The following PKHD1 variants were observed in gnomAD, a reference collection of about 807,000 sequenced individuals.
PKHD1 encodes the protein PKHD1 ciliary IPT domain containing fibrocystin/polyductin, also known as fibrocystin.
PKHD1 carries 291 observed loss-of-function variants against 412.0 expected under a neutral mutation model. The ratio of observed to expected loss-of-function variants is 0.71; its 90% CI spans 0.64 to 0.78. The LOEUF (loss-of-function observed/expected upper bound fraction) is 0.78. Among genes scored for constraint, PKHD1 ranks in the 30% least tolerant of loss-of-function variants. The pLI is 0.00. For missense variants in PKHD1, 4,825 were observed against 4,950.7 expected (o/e 0.97, Z 0.76); for synonymous variants, 1,777 against 1,821.5 (o/e 0.98, Z 0.62).
intron 35 of PKHD1, among the ~76,000 whole-genome samples, chr6:51,962,018 T>A (rs1177118893): frequency 6.6e-6 from 1 of 152,074 alleles, no homozygotes; most frequent in Non-Finnish European, 1.5e-5. Flanking sequence ...AATTTAAGGA[T>A]CAATTCAGAG....
chr6:51,644,852 G>A (rs1184923825), intron 63 of PKHD1, among the ~76,000 whole-genome samples: 11 of 152,046 alleles, frequency 7.2e-5, no homozygotes, highest in African/African-American at 2.2e-4. Flanking sequence ...CCTAATTTTC[G>A]TATTATTAGT....
At chr6:51,890,530 G>A (rs1389796455) in intron 43 of PKHD1, among the ~76,000 whole-genome samples, 3 of 151,178 alleles carry the variant, frequency 2.0e-5, no homozygotes, top group Non-Finnish European at 4.4e-5. Flanking sequence ...CTAGAGGTGT[G>A]CATCTATAGT....
At chr6:51,636,255 C>T (rs975245599) in intron 64 of PKHD1, among the ~76,000 whole-genome samples, 1 of 152,082 alleles carries the variant, frequency 6.6e-6, no homozygotes, top group African/African-American at 2.4e-5. Flanking sequence ...TGCAAATTCT[C>T]TGCTTGATTC....
intron 43 of PKHD1, among the ~76,000 whole-genome samples, chr6:51,899,494 T>C (rs1391364717): frequency 6.6e-6 from 1 of 151,742 alleles, no homozygotes; most frequent in Non-Finnish European, 1.5e-5. Context: ...TCTCAATAAA[T>C]TAGGTATTGA....
At chr6:52,047,056 A>G (rs1306050031) in intron 23 of PKHD1, among the ~76,000 whole-genome samples, 1 of 152,220 alleles carries the variant, frequency 6.6e-6, no homozygotes, top group African/African-American at 2.4e-5. Flanking sequence ...ATGTTTCTAC[A>G]TTTATACAGA....
intron 66 of PKHD1, among the ~76,000 whole-genome samples, chr6:51,625,781 G>A (rs1245014495): frequency 2.0e-5 from 3 of 152,154 alleles, no homozygotes; most frequent in African/African-American, 2.4e-5. Context: ...AGCTGAATAC[G>A]AAGAGCTATT....
intron 5 of PKHD1, among the ~76,000 whole-genome samples, chr6:52,078,552 G>A (rs146541566): frequency 1.3e-5 from 2 of 152,252 alleles, no homozygotes; most frequent in East Asian, 1.9e-4. Context: ...AAAGAGACAC[G>A]CCGTGTTTTA....
At chr6:52,064,675 A>G (rs1011533822) in intron 13 of PKHD1, among the ~76,000 whole-genome samples, 1 of 151,868 alleles carries the variant, frequency 6.6e-6, no homozygotes, top group Non-Finnish European at 1.5e-5. Context: ...AGCTATAACA[A>G]TATCTTGAGG....
chr6:51,933,873 CAGTG>C (rs1787037437), intron 37 of PKHD1, among the ~76,000 whole-genome samples: 1 of 152,214 alleles, frequency 6.6e-6, no homozygotes, highest in African/African-American at 2.4e-5. Context: ...AGTCACCTAA[CAGTG>C]GGTGGAAGTA....
intron 46 of PKHD1, among the ~76,000 whole-genome samples, chr6:51,880,629 G>T (rs1157387105): frequency 4.0e-5 from 1 of 24,844 alleles, no homozygotes; most frequent in Non-Finnish European, 6.4e-5. Flanking sequence ...GGTCGGGGGA[G>T]GGGGGAGGGA....
At chr6:51,863,065 C>A (rs1222768793) in intron 48 of PKHD1, among the ~76,000 whole-genome samples, 2 of 152,054 alleles carry the variant, frequency 1.3e-5, no homozygotes, top group Non-Finnish European at 2.9e-5. Flanking sequence ...ACATGTCAAG[C>A]AATGACCCTG....
chr6:51,774,243 T>A (rs1272327145), intron 54 of PKHD1, among the ~76,000 whole-genome samples: 1 of 152,038 alleles, frequency 6.6e-6, no homozygotes, highest in African/African-American at 2.4e-5. Flanking sequence ...TACAAATGAT[T>A]TAATACGATT....
intron 46 of PKHD1, among the ~76,000 whole-genome samples, chr6:51,873,739 T>C (rs534642764): frequency 2.6e-5 from 4 of 152,356 alleles, no homozygotes; most frequent in Non-Finnish European, 5.9e-5. Flanking sequence ...ATTTAGACTT[T>C]GTTAAGACAA....
At chr6:51,788,358 T>C (rs1241158267) in intron 53 of PKHD1, among the ~76,000 whole-genome samples, 3 of 151,972 alleles carry the variant, frequency 2.0e-5, no homozygotes, top group Non-Finnish European at 4.4e-5. Flanking sequence ...TTCCAAACTC[T>C]GTGCTTCTCC....
At chr6:51,738,467 T>TGTAGTCACG (rs1784138123) in intron 60 of PKHD1, among the ~76,000 whole-genome samples, 1 of 152,178 alleles carries the variant, frequency 6.6e-6, no homozygotes, top group African/African-American at 2.4e-5. Flanking sequence ...AATACTGTGT[T>TGTAGTCACG]GTAGTCACGA....
At chr6:52,013,728 T>C (rs919244147) in intron 34 of PKHD1, among the ~76,000 whole-genome samples, 1 of 152,202 alleles carries the variant, frequency 6.6e-6, no homozygotes, top group Non-Finnish European at 1.5e-5. Flanking sequence ...GTAAAAATGG[T>C]GGCAAAGATT....
chr6:51,703,673 C>T (rs1214162875), intron 60 of PKHD1, among the ~76,000 whole-genome samples: 3 of 151,982 alleles, frequency 2.0e-5, no homozygotes, highest in African/African-American at 4.8e-5. Flanking sequence ...AAACCAAAGT[C>T]TCAAGTCTCC....
intron 39 of PKHD1, among the ~76,000 whole-genome samples, chr6:51,910,468 G>A (rs9463735): frequency 0.035 from 5,331 of 152,062 alleles, 340 homozygotes; most frequent in African/African-American, 0.12. Flanking sequence ...TTTTCAAATG[G>A]ACAGGCCTTG....
chr6:51,860,044 C>T (rs1383979314), intron 48 of PKHD1, among the ~76,000 whole-genome samples: 1 of 152,200 alleles, frequency 6.6e-6, no homozygotes, highest in Admixed American at 6.5e-5. Context: ...ATCAAGCTCC[C>T]CTCACCCATC....
Sources: gnomAD v4.1 joint callset for allele counts (sites outside exome capture counted in the v4.1 genomes callset) on GRCh38, gnomAD v4.1.1 for gene constraint, MANE v1.5 for transcripts, NCBI Gene and HGNC (gene_info 2026-07-23, HGNC 2026-07-21) for gene names.